The following PUS7 variants were observed in gnomAD, a reference collection of about 807,000 sequenced individuals.
PUS7 encodes pseudouridine synthase 7, also known as pseudouridylate synthase 7 homolog.
PUS7 carries 48 observed loss-of-function variants against 79.8 expected under a neutral mutation model. The observed-to-expected ratio is 0.60, with a 90% CI of 0.48 to 0.76. PUS7 has a LOEUF of 0.76. Ranked by LOEUF, PUS7 falls within the 30% of genes least tolerant of loss-of-function variation. The probability of loss-of-function intolerance (pLI) is 0.00; values close to 1 mark genes in which losing one functional copy is unlikely to be tolerated. For synonymous variants in PUS7, 286 were observed against 272.2 expected (o/e 1.05, Z -0.50); for missense variants, 729 against 797.6 (o/e 0.91, Z 1.04).
chr7:105,509,941 C>A (rs965271407), intron 1 of PUS7, among the ~76,000 whole-genome samples: 1 of 152,112 alleles, frequency 6.6e-6, no homozygotes, highest in African/African-American at 2.4e-5. Context: ...GCTGTTCTCA[C>A]TCAATAACAT....
rs756456892 is a variant in PUS7, at chr7:105,457,946, ACAGT to A, written c.1850-24_1850-21del. 9.9e-6 allele frequency: 16 copies of A among 1,610,658 alleles called. No individual in the cohort carries two copies. The Admixed American group carries it at 2.5e-4, about 26-fold the overall frequency. Reference sequence around the variant, plus strand: ...TGCCTTCTGCAAGGCAAGAAAGAAAACAGTCAGAAAATGAAGGCAGCTGCAGACA... The same window carrying A: ...TGCCTTCTGCAAGGCAAGAAAGAAAACAGAAAATGAAGGCAGCTGCAGACA... On this transcript the variant is annotated intron_variant, in intron 15 of 15. Transcript: ENST00000469408.
At position 105,508,519 on chromosome 7, in the gene PUS7, G is replaced by A. The variant is rs565399486; in HGVS notation, c.-7C>T. Reference sequence around the variant, plus strand: ...TCATTTCTGTCATCTCCATCTTTAAGGCTCCAAGAAAACATTTAAGAAAAC... The same window carrying A: ...TCATTTCTGTCATCTCCATCTTTAAAGCTCCAAGAAAACATTTAAGAAAAC... On this transcript the variant is annotated 5_prime_UTR_variant, in exon 2 of 16. Coordinates refer to ENST00000469408, the MANE Select transcript of PUS7 (RefSeq NM_019042.5). The A allele has an allele frequency of 6.2e-7, 1 of 1,604,670 alleles. No individual in the cohort carries two copies. Among genetic ancestry groups the A allele is most frequent in the South Asian group, 1.1e-5 (1 of 89,700 alleles).
At chr7:105,481,342 T>A (rs756138415) in intron 8 of PUS7, among the ~76,000 whole-genome samples, 165 bp from the exon 9 acceptor site, 14 of 152,194 alleles carry the variant, frequency 9.2e-5, no homozygotes, top group Non-Finnish European at 1.3e-4. Flanking sequence ...TGGTAAGATA[T>A]TTATAATGTC....
intron 9 of PUS7, 32 bp from the exon 10 acceptor site, chr7:105,472,225 T>C (rs777822617): frequency 7.3e-7 from 1 of 1,362,990 alleles, no homozygotes; most frequent in Admixed American, 1.8e-5. Flanking sequence ...TTTACTAAAT[T>C]TTGCATAAAG....
At chr7:105,483,489 G>T (rs530037827) in intron 7 of PUS7, among the ~76,000 whole-genome samples, 1 of 151,894 alleles carries the variant, frequency 6.6e-6, no homozygotes, top group Admixed American at 6.6e-5. Flanking sequence ...TAGTAGAGAC[G>T]GGTTTCACCA....
intron 7 of PUS7, among the ~76,000 whole-genome samples, chr7:105,490,803 T>G (rs1824750066): frequency 1.3e-5 from 2 of 152,204 alleles, no homozygotes; most frequent in African/African-American, 4.8e-5. Flanking sequence ...TCTAGACCAG[T>G]GGTTCCCAAT....
At chr7:105,467,536 G>C (rs569002677) in intron 12 of PUS7, among the ~76,000 whole-genome samples, 1 of 151,554 alleles carries the variant, frequency 6.6e-6, no homozygotes, top group Non-Finnish European at 1.5e-5. Flanking sequence ...TGATCTGCCC[G>C]CCTTGGCTCC....
intron 9 of PUS7, among the ~76,000 whole-genome samples, chr7:105,473,579 T>C (rs1823962813): frequency 6.6e-6 from 1 of 152,164 alleles, no homozygotes; most frequent in Non-Finnish European, 1.5e-5. Context: ...CCACCATGCC[T>C]GGCCAATTTT....
chr7:105,469,917 A>G (rs1191825011), intron 11 of PUS7, among the ~76,000 whole-genome samples: 3 of 152,210 alleles, frequency 2.0e-5, no homozygotes, highest in Non-Finnish European at 4.4e-5. Context: ...AAAGTTTACA[A>G]ATTTGTGTGG....
intron 9 of PUS7, among the ~76,000 whole-genome samples, chr7:105,474,097 T>C (rs962338512): frequency 1.3e-5 from 2 of 152,224 alleles, no homozygotes; most frequent in African/African-American, 4.8e-5. Context: ...GACCCTTCCC[T>C]ATCAAAAGAA....
chr7:105,457,910 A>G lies in PUS7; in HGVS notation c.1866T>C (p.Ala622=). ...GGGGTAGAGAAAAATCCATTTTCAG[A>G]GCCCTGTATTTGCCTTCTGCAAGGC... The part of the protein sequence containing the change: ...PVFASEGKYR[A]LKMDFSLPPS... The change falls in exon 16 of 16, where the codon GCT becomes GCC. Residue 622 remains alanine, a synonymous_variant. Transcript: ENST00000469408. 6.2e-7 allele frequency: 1 copy of G among 1,613,948 alleles called. No homozygotes were observed. Among genetic ancestry groups the G allele is most frequent in the Non-Finnish European group, 8.5e-7 (1 of 1,179,894 alleles).
At position 105,506,071 on chromosome 7, in the gene PUS7, T is replaced by C. The variant is rs528328867; in HGVS notation, c.484-15A>G. On this transcript the variant is annotated splice_polypyrimidine_tract_variant and intron_variant, in intron 3 of 15. Transcript: ENST00000469408. The stretch of plus-strand genomic sequence containing the variant: ...TCTGAAGGGTCCTTTAAAATAACCA[T>C]GAGAACTCACAATGAATCATACATA... 40 of 1,603,422 alleles carry C rather than the reference T, an allele frequency of 2.5e-5. No homozygotes were observed. The highest frequency in any genetic ancestry group is 3.3e-5 in the Non-Finnish European group (39 of 1,173,096).
chr7:105,502,738 C>T (rs1433969731), intron 4 of PUS7, among the ~76,000 whole-genome samples, 174 bp from the exon 5 acceptor site: 3 of 152,198 alleles, frequency 2.0e-5, no homozygotes, highest in African/African-American at 4.8e-5. Context: ...CTCGCTCTGT[C>T]GCTCAAGCTG....
intron 6 of PUS7, among the ~76,000 whole-genome samples, chr7:105,494,009 C>T (rs1824902762): frequency 6.6e-6 from 1 of 152,174 alleles, no homozygotes; most frequent in African/African-American, 2.4e-5. Flanking sequence ...GTAGCCACTT[C>T]CATTTTTAAG....
chr7:105,464,045 C>A (rs1411244830), intron 13 of PUS7, among the ~76,000 whole-genome samples: 4 of 152,088 alleles, frequency 2.6e-5, no homozygotes, highest in African/African-American at 9.7e-5. Flanking sequence ...TGTTACATAC[C>A]CAGAAACCTG....
In PUS7 at chr7:105,465,389, ATCT is replaced by A; in HGVS notation, c.1548_1550del (p.Glu516del). On this transcript the variant is annotated inframe_deletion, in exon 13 of 16. Coordinates refer to ENST00000469408, the MANE Select transcript of PUS7 (RefSeq NM_019042.5). ...CATGGATAGAGTAATTATTAACATC[ATCT>A]TCCTCAATATAGGTGGCTGTGGCTG... 1 of 1,612,826 alleles carries A rather than the reference ATCT, an allele frequency of 6.2e-7. No individual in the cohort carries two copies. The highest frequency in any genetic ancestry group is 8.5e-7 in the Non-Finnish European group (1 of 1,179,064).
Position 105,491,622 on chromosome 7 carries a change from T to C in PUS7, c.843-5A>G. Reference sequence around the variant, plus strand: ...GAGAATATATTTGGCTTGACTCTGGTAAGAGAGAAACAAGATCATCTGAAG... The same window carrying C: ...GAGAATATATTTGGCTTGACTCTGGCAAGAGAGAAACAAGATCATCTGAAG... On this transcript the variant is annotated splice_region_variant and splice_polypyrimidine_tract_variant and intron_variant, in intron 6 of 15. Transcript: ENST00000469408. 1.3e-6 allele frequency: 2 copies of C among 1,538,044 alleles called. No individual in the cohort carries two copies. The highest frequency in any genetic ancestry group is 1.4e-5 in the African/African-American group (1 of 73,260).
intron 12 of PUS7, 117 bp downstream of exon 12, chr7:105,468,220 A>G: frequency 7.3e-7 from 1 of 1,369,346 alleles, no homozygotes; most frequent in Non-Finnish European, 9.9e-7. Context: ...GGCGTGTACC[A>G]CCGTGCCTCA....
At chr7:105,512,977 T>A (rs1825756883) in intron 1 of PUS7, among the ~76,000 whole-genome samples, 1 of 152,170 alleles carries the variant, frequency 6.6e-6, no homozygotes, top group African/African-American at 2.4e-5. Context: ...CAAGTTTCCA[T>A]CCCTGGGGAA....
Sources: gnomAD v4.1 joint callset for allele counts (sites outside exome capture counted in the v4.1 genomes callset) on GRCh38, gnomAD v4.1.1 for gene constraint, MANE v1.5 for transcripts, NCBI Gene and HGNC (gene_info 2026-07-23, HGNC 2026-07-21) for gene names.